The following GPR39 variants were observed in gnomAD, a reference collection of about 807,000 sequenced individuals.
The protein encoded by GPR39 is zinc sensing receptor.
A neutral mutation model predicts 18.4 loss-of-function variants in GPR39; 23 were observed. The ratio of observed to expected loss-of-function variants is 1.25; its 90% CI spans 0.90 to 1.77. GPR39 has a LOEUF of 1.77. Ranked by LOEUF, GPR39 falls within the 40% of genes most tolerant of loss-of-function variation. The pLI, the probability that GPR39 is intolerant of heterozygous loss-of-function variation, is 0.00. For synonymous variants in GPR39, 280 were observed against 257.9 expected (o/e 1.09, Z -0.82); for missense variants, 647 against 602.4 (o/e 1.07, Z -0.78).
intron 1 of GPR39, among the ~76,000 whole-genome samples, chr2:132,464,193 C>T (rs775544364): frequency 1.3e-5 from 2 of 152,202 alleles, no homozygotes; most frequent in Non-Finnish European, 2.9e-5. Flanking sequence ...TTATCCATGA[C>T]GAACGACATG....
At chr2:132,491,531 G>C (rs897603757) in intron 1 of GPR39, among the ~76,000 whole-genome samples, 3 of 151,886 alleles carry the variant, frequency 2.0e-5, no homozygotes, top group African/African-American at 7.3e-5. Context: ...GGGGAATAGG[G>C]GTGTAGGAGT....
intron 1 of GPR39, among the ~76,000 whole-genome samples, chr2:132,535,591 G>A (rs1679740673): frequency 6.6e-6 from 1 of 152,082 alleles, no homozygotes; most frequent in Admixed American, 6.6e-5. Flanking sequence ...GAGTTAGGGA[G>A]GAGTCCCTCC....
In GPR39 at chr2:132,417,408, G is replaced by C; in HGVS notation, c.366G>C (p.Thr122=). Residue 122 remains threonine, a synonymous_variant, in exon 1 of 2, where the codon ACG becomes ACC. Coordinates refer to ENST00000329321, the MANE Select transcript of GPR39 (RefSeq NM_001508.3). ...TCTTCGAGGCCTGCAGCTACGCTAC[G>C]CTGCTGCACGTGCTGACACTCAGCT... The part of the protein sequence containing the change: ...TFLFEACSYA[T]LLHVLTLSFE... The C allele has an allele frequency of 1.9e-6, 3 of 1,614,162 alleles. No individual in the cohort carries two copies. The highest frequency in any genetic ancestry group is 2.5e-6 in the Non-Finnish European group (3 of 1,180,020).
chr2:132,467,336 G>T (rs1416050930), intron 1 of GPR39, among the ~76,000 whole-genome samples: 1 of 152,078 alleles, frequency 6.6e-6, no homozygotes, highest in African/African-American at 2.4e-5. Flanking sequence ...GCATGTTCTC[G>T]CTTATAAGTG....
chr2:132,590,452 A>G (rs1680806515), intron 1 of GPR39, among the ~76,000 whole-genome samples: 1 of 152,064 alleles, frequency 6.6e-6, no homozygotes, highest in Admixed American at 6.5e-5. Flanking sequence ...ACCTTAGACA[A>G]GCACTCAGCC....
intron 1 of GPR39, among the ~76,000 whole-genome samples, chr2:132,521,779 G>A (rs143382644): frequency 6.6e-6 from 1 of 152,150 alleles, no homozygotes; most frequent in East Asian, 1.9e-4. Context: ...AAAGAAAACT[G>A]GCAGAATTCC....
chr2:132,424,717 C>T (rs540318520), intron 1 of GPR39, among the ~76,000 whole-genome samples: 5 of 152,314 alleles, frequency 3.3e-5, no homozygotes, highest in African/African-American at 1.2e-4. Context: ...TCTAGTGCTG[C>T]CCCTAGAGTG....
At chr2:132,517,125 CAA>C (rs1489409597) in intron 1 of GPR39, among the ~76,000 whole-genome samples, 1 of 151,802 alleles carries the variant, frequency 6.6e-6, no homozygotes, top group Non-Finnish European at 1.5e-5. Flanking sequence ...ATGTAAAAAG[CAA>C]AGTCACTCCG....
chr2:132,635,592 A>G (rs1373057008), intron 1 of GPR39, among the ~76,000 whole-genome samples: 1 of 152,120 alleles, frequency 6.6e-6, no homozygotes, highest in Non-Finnish European at 1.5e-5. Context: ...GGTCTCAGCA[A>G]AAAAGCAGCG....
Position 132,628,371 on chromosome 2 carries a change from G to A in GPR39, c.857-16730G>A, listed in dbSNP as rs577997938. ...CAGCTCAGAATGCCCACAGGCTTGG[G>A]TCACATCAAACCTGAGAGACCAGCA... is the stretch of plus-strand genomic sequence containing the variant. On this transcript the variant is annotated intron_variant, in intron 1 of 1. Transcript: ENST00000329321. Among the ~76,000 whole-genome samples the A allele has an allele frequency of 4.8e-4, 73 of 152,164 alleles. 3 individuals carry two copies. The highest frequency in any genetic ancestry group is 1.5e-4 in the Non-Finnish European group (10 of 68,030).
chr2:132,614,925 A>G (rs1041957632), intron 1 of GPR39, among the ~76,000 whole-genome samples: 1 of 152,150 alleles, frequency 6.6e-6, no homozygotes, highest in African/African-American at 2.4e-5. Context: ...AATCAAGACC[A>G]CATCATCTTA....
At chr2:132,451,331 T>G (rs1680630021) in intron 1 of GPR39, among the ~76,000 whole-genome samples, 1 of 152,232 alleles carries the variant, frequency 6.6e-6, no homozygotes, top group South Asian at 2.1e-4. Context: ...TGGCATTATG[T>G]TGTACAGTTA....
chr2:132,430,971 G>A (rs76918497), intron 1 of GPR39, among the ~76,000 whole-genome samples: 16,544 of 152,100 alleles, frequency 0.11, 939 homozygotes, highest in South Asian at 0.21. Context: ...TATTTCCCAG[G>A]GATCTGGTCA....
intron 1 of GPR39, among the ~76,000 whole-genome samples, chr2:132,569,184 A>C (rs1481821328): frequency 6.6e-6 from 1 of 152,112 alleles, no homozygotes; most frequent in Non-Finnish European, 1.5e-5. Context: ...TGCAATGAGC[A>C]AGAGGTGAAA....
intron 1 of GPR39, among the ~76,000 whole-genome samples, chr2:132,635,539 G>C (rs1218265914): frequency 6.6e-6 from 1 of 152,132 alleles, no homozygotes; most frequent in Non-Finnish European, 1.5e-5. Context: ...GAATAGGGAG[G>C]AAGGAAGAGA....
chr2:132,468,604 C>T (rs1166940100), intron 1 of GPR39, among the ~76,000 whole-genome samples: 3 of 152,090 alleles, frequency 2.0e-5, no homozygotes, highest in Non-Finnish European at 4.4e-5. Flanking sequence ...GAGGTTGGGC[C>T]CTATACTTTG....
At chr2:132,529,900 G>A (rs1268875864) in intron 1 of GPR39, among the ~76,000 whole-genome samples, 1 of 151,984 alleles carries the variant, frequency 6.6e-6, no homozygotes, top group African/African-American at 2.4e-5. Flanking sequence ...ACAAAGATGG[G>A]GAAAAAACAG....
At chr2:132,434,299 T>C (rs909540331) in intron 1 of GPR39, among the ~76,000 whole-genome samples, 7 of 152,198 alleles carry the variant, frequency 4.6e-5, no homozygotes, top group African/African-American at 1.7e-4. Flanking sequence ...AGCTGCTAAC[T>C]CCTGAGTCTT....
chr2:132,584,724 G>C (rs1309318408), intron 1 of GPR39, among the ~76,000 whole-genome samples: 1 of 152,200 alleles, frequency 6.6e-6, no homozygotes, highest in Non-Finnish European at 1.5e-5. Context: ...GTTTCGAAAA[G>C]CAGGCAGGAT....
Sources: gnomAD v4.1 joint callset for allele counts (sites outside exome capture counted in the v4.1 genomes callset) on GRCh38, gnomAD v4.1.1 for gene constraint, MANE v1.5 for transcripts, NCBI Gene and HGNC (gene_info 2026-07-23, HGNC 2026-07-21) for gene names.